LINGO2: variants seen among roughly 807,000 people sequenced by gnomAD.
LINGO2 encodes the protein leucine-rich repeat and immunoglobulin-like domain-containing nogo receptor-interacting protein 2.
In LINGO2, 14 loss-of-function variants were observed where a neutral mutation model predicts 30.6. The ratio of observed to expected loss-of-function variants is 0.46; its 90% CI spans 0.30 to 0.72. The LOEUF (loss-of-function observed/expected upper bound fraction) is 0.72, where lower values mean the gene tolerates loss of function less well. LINGO2 is among the 30% of genes least tolerant of loss of function. The probability of loss-of-function intolerance (pLI) is 0.07; values close to 1 mark genes in which losing one functional copy is unlikely to be tolerated. For missense variants in LINGO2, 729 were observed against 751.7 expected (o/e 0.97, Z 0.35); for synonymous variants, 317 against 288.5 (o/e 1.10, Z -1.00).
At chr9:29,194,301 G>A in the LINGO2 span, among the ~76,000 whole-genome samples, 7 of 152,108 alleles carry the variant, frequency 4.6e-5, no homozygotes, top group African/African-American at 1.7e-4. Flanking sequence ...TGAGCCAACT[G>A]CTGTTCAGGA....
chr9:28,377,724 A>C (rs7850453), intron 2 of LINGO2, among the ~76,000 whole-genome samples: 119,247 of 152,104 alleles, frequency 0.78, 47,973 homozygotes, highest in Middle Eastern at 0.9. Flanking sequence ...TACTTTTAAT[A>C]ATGCCATTTT....
chr9:28,526,182 T>C (rs929448406), intron 1 of LINGO2, among the ~76,000 whole-genome samples: 1 of 151,948 alleles, frequency 6.6e-6, no homozygotes, highest in African/African-American at 2.4e-5. Context: ...ATCTAAAAAT[T>C]GCTATTGGAA....
intron 4 of LINGO2, among the ~76,000 whole-genome samples, chr9:28,245,480 G>A (rs548409966): frequency 6.6e-6 from 1 of 152,108 alleles, no homozygotes; most frequent in Non-Finnish European, 1.5e-5. Flanking sequence ...AATAAAAAAA[G>A]GTTTTCAATT....
chr9:28,030,912 T>C (rs1435601711), intron 4 of LINGO2, among the ~76,000 whole-genome samples: 2 of 152,100 alleles, frequency 1.3e-5, no homozygotes, highest in Non-Finnish European at 2.9e-5. Context: ...TGCATACCAT[T>C]GACAAATTGC....
chr9:28,748,592 A>G, the LINGO2 span, among the ~76,000 whole-genome samples: 2 of 152,034 alleles, frequency 1.3e-5, no homozygotes, highest in Non-Finnish European at 2.9e-5. Flanking sequence ...TGTTCTTAAT[A>G]ACCTAATATT....
intron 2 of LINGO2, among the ~76,000 whole-genome samples, chr9:28,469,382 G>C (rs995967478): frequency 6.6e-6 from 1 of 151,976 alleles, no homozygotes; most frequent in Admixed American, 6.6e-5. Flanking sequence ...ATAAAAGAGA[G>C]ATAAAGTGAT....
the LINGO2 span, among the ~76,000 whole-genome samples, chr9:29,057,342 A>G: frequency 1.3e-5 from 2 of 152,162 alleles, no homozygotes; most frequent in African/African-American, 4.8e-5. Context: ...TTCATCCATG[A>G]AAGAGTATCT....
At chr9:28,102,538 TTTAA>T (rs761778502) in intron 4 of LINGO2, among the ~76,000 whole-genome samples, 8 of 151,996 alleles carry the variant, frequency 5.3e-5, no homozygotes, top group Non-Finnish European at 1.0e-4. Context: ...GCTGTATGTG[TTTAA>T]TTAGTTTCAA....
At chr9:28,064,754 T>A (rs999229158) in intron 4 of LINGO2, among the ~76,000 whole-genome samples, 2 of 152,132 alleles carry the variant, frequency 1.3e-5, no homozygotes, top group African/African-American at 2.4e-5. Context: ...CACTTCCTAA[T>A]TAACCCTTAG....
At chr9:28,211,777 C>T (rs1307258796) in intron 4 of LINGO2, among the ~76,000 whole-genome samples, 1 of 151,406 alleles carries the variant, frequency 6.6e-6, no homozygotes, top group Non-Finnish European at 1.5e-5. Context: ...ATGCATATTC[C>T]TCAAATATTA....
At chr9:28,060,765 T>C (rs1391004541) in intron 4 of LINGO2, among the ~76,000 whole-genome samples, 1 of 152,136 alleles carries the variant, frequency 6.6e-6, no homozygotes, top group Non-Finnish European at 1.5e-5. Context: ...AAATCGTCAG[T>C]CCAAGGTTGG....
the LINGO2 span, among the ~76,000 whole-genome samples, chr9:28,957,611 G>A: frequency 1.3e-5 from 2 of 152,098 alleles, no homozygotes; most frequent in Admixed American, 6.5e-5. Context: ...TCTCCAATCT[G>A]TGGAATATAA....
At chr9:28,089,610 C>T (rs1826015542) in intron 4 of LINGO2, among the ~76,000 whole-genome samples, 1 of 152,074 alleles carries the variant, frequency 6.6e-6, no homozygotes, top group Admixed American at 6.6e-5. Flanking sequence ...CAAGAGAAAG[C>T]AGGAAAGATC....
At chr9:28,932,988 A>C in the LINGO2 span, among the ~76,000 whole-genome samples, 112,460 of 151,848 alleles carry the variant, frequency 0.74, 41,791 homozygotes, top group Non-Finnish European at 0.78. Flanking sequence ...CTCACTGCAA[A>C]CTCCACCTCC....
chr9:28,767,567 C>A, the LINGO2 span, among the ~76,000 whole-genome samples: 2 of 151,984 alleles, frequency 1.3e-5, no homozygotes, highest in Admixed American at 6.5e-5. Context: ...AGGCAGATCA[C>A]GAGGTCAGGA....
At chr9:28,259,857 A>G (rs1357810348) in intron 4 of LINGO2, among the ~76,000 whole-genome samples, 2 of 151,954 alleles carry the variant, frequency 1.3e-5, no homozygotes, top group East Asian at 3.9e-4. Context: ...TGATTAGAGC[A>G]GGATCCTCCC....
the LINGO2 span, among the ~76,000 whole-genome samples, chr9:28,960,559 G>A: frequency 2.1e-5 from 3 of 144,722 alleles, no homozygotes; most frequent in African/African-American, 7.5e-5. Flanking sequence ...AAAAAGTTAC[G>A]GAAGTGTCCT....
In LINGO2 at chr9:28,130,607, G is replaced by C. The variant is rs1827354189; in HGVS notation, c.-86-118202C>G. 6.6e-6 allele frequency among the ~76,000 whole-genome samples: 1 copy of C among 152,100 alleles called. No homozygotes were observed. The highest frequency in any genetic ancestry group is 1.5e-5 in the Non-Finnish European group (1 of 68,010). On this transcript the variant is annotated intron_variant, in intron 4 of 5. Transcript: ENST00000379992. This position sits in a 1 kb window ranked among gnomAD's most constrained non-coding sequence, Gnocchi z 5.2. ...ACCTACATGTAAAGATATAACCAAT[G>C]TTATCAGAAAGCACATCATAAAAGT...
downstream of LINGO2, among the ~76,000 whole-genome samples, chr9:27,946,085 A>G (rs1226189455): frequency 6.6e-6 from 1 of 152,170 alleles, no homozygotes; most frequent in Admixed American, 6.5e-5. Flanking sequence ...CCGGGGTTCT[A>G]TGGAGCTCTA....
Sources: gnomAD v4.1 joint callset for allele counts (sites outside exome capture counted in the v4.1 genomes callset) on GRCh38, gnomAD v4.1.1 for gene constraint, Gnocchi (gnomAD v3.1) non-coding constraint, MANE v1.5 for transcripts, NCBI Gene and HGNC (gene_info 2026-07-23, HGNC 2026-07-21) for gene names.